The following XKR4 variants were observed in gnomAD, a reference collection of about 807,000 sequenced individuals.
XKR4 encodes the protein XK related 4, also known as XK-related protein 4.
Under a neutral mutation model 53.9 loss-of-function variants are expected in XKR4, and 12 were observed. The ratio of observed to expected loss-of-function variants is 0.22; its 90% confidence interval spans 0.14 to 0.36. The LOEUF is 0.36. Ranked by LOEUF, XKR4 falls within the 10% of genes least tolerant of loss-of-function variation. The pLI is 1.00. For synonymous variants in XKR4, 354 were observed against 362.4 expected (o/e 0.98, Z 0.26); for missense variants, 799 against 859.5 (o/e 0.93, Z 0.88).
At chr8:55,171,064 T>G (rs900569521) in intron 1 of XKR4, among the ~76,000 whole-genome samples, 6 of 152,224 alleles carry the variant, frequency 3.9e-5, no homozygotes, top group Non-Finnish European at 5.9e-5. Context: ...ATATACTTAC[T>G]TCCTAGATTT....
At chr8:55,109,912 T>C (rs1460560769) in intron 1 of XKR4, among the ~76,000 whole-genome samples, 1 of 152,190 alleles carries the variant, frequency 6.6e-6, no homozygotes, top group Non-Finnish European at 1.5e-5. Flanking sequence ...ATATTTTATA[T>C]GTTACAGTTT....
intron 2 of XKR4, among the ~76,000 whole-genome samples, chr8:55,425,875 C>T (rs1029238437): frequency 3.3e-5 from 5 of 152,236 alleles, no homozygotes; most frequent in Admixed American, 3.3e-4. Context: ...AATCAAGCTA[C>T]AAATTAAATG....
intron 1 of XKR4, among the ~76,000 whole-genome samples, chr8:55,227,749 C>T (rs1021671233): frequency 3.9e-5 from 6 of 152,138 alleles, no homozygotes; most frequent in South Asian, 2.1e-4. Context: ...AGCACAGATC[C>T]GCCACAGCCA....
At position 55,410,756 on chromosome 8, in the gene XKR4, C is replaced by T. The variant is rs557722501; in HGVS notation, c.1006+52879C>T. 9.0e-4 allele frequency among the ~76,000 whole-genome samples: 137 copies of T among 152,256 alleles called. 1 individual carries two copies. The highest frequency in any genetic ancestry group is 1.5e-3 in the Non-Finnish European group (104 of 68,032). ...TTTCCTCCCTGTAACACAGGTGTCT[C>T]ATGACACTCTTCTCTAAAATTTAAA... On this transcript the variant is annotated intron_variant, in intron 2 of 2. Transcript: ENST00000327381.
intron 1 of XKR4, among the ~76,000 whole-genome samples, chr8:55,257,559 A>G (rs1818457142): frequency 6.6e-6 from 1 of 152,144 alleles, no homozygotes; most frequent in Admixed American, 6.5e-5. Context: ...GCAATCTGGA[A>G]TGAAAACCCT....
chr8:55,488,346 A>C (rs550654805), intron 2 of XKR4, among the ~76,000 whole-genome samples: 2 of 152,324 alleles, frequency 1.3e-5, no homozygotes, highest in East Asian at 1.9e-4. Context: ...ATATTTACTC[A>C]AGTTAGTTAA....
intron 1 of XKR4, among the ~76,000 whole-genome samples, chr8:55,346,592 T>G (rs1272338302): frequency 6.6e-6 from 1 of 152,094 alleles, no homozygotes; most frequent in Non-Finnish European, 1.5e-5. Flanking sequence ...CAAGGTGGTG[T>G]TGTGAGTGTC....
At chr8:55,403,628 C>T (rs1804641341) in intron 2 of XKR4, among the ~76,000 whole-genome samples, 1 of 152,224 alleles carries the variant, frequency 6.6e-6, no homozygotes, top group Admixed American at 6.5e-5. Context: ...CTGTATTGAG[C>T]ATCCACTGTA....
At chr8:55,510,805 T>A (rs1021948577) in intron 2 of XKR4, among the ~76,000 whole-genome samples, 1 of 152,174 alleles carries the variant, frequency 6.6e-6, no homozygotes, top group Non-Finnish European at 1.5e-5. Context: ...AGAGACAGCA[T>A]GTAAAGGAGC....
At chr8:55,279,807 C>T (rs56007359) in intron 1 of XKR4, among the ~76,000 whole-genome samples, 2,833 of 152,196 alleles carry the variant, frequency 0.019, 80 homozygotes, top group African/African-American at 0.065. Flanking sequence ...CCCAGAAAGA[C>T]ATATCTCTTA....
At chr8:55,477,977 C>T (rs1375652711) in intron 2 of XKR4, among the ~76,000 whole-genome samples, 1 of 152,112 alleles carries the variant, frequency 6.6e-6, no homozygotes. Context: ...TTGGGAAACA[C>T]CATGCAGGAT....
chr8:55,447,387 C>T (rs911640752), intron 2 of XKR4, among the ~76,000 whole-genome samples: 8 of 152,222 alleles, frequency 5.3e-5, no homozygotes, highest in Admixed American at 6.5e-5. Context: ...ATGGACACTA[C>T]GGCTCCCCTG....
intron 2 of XKR4, among the ~76,000 whole-genome samples, chr8:55,373,712 G>A (rs892232184): frequency 1.3e-5 from 2 of 152,054 alleles, no homozygotes; most frequent in Non-Finnish European, 2.9e-5. Flanking sequence ...AAAGACTTTT[G>A]GAATAAATGG....
At chr8:55,415,085 C>T (rs1277383316) in intron 2 of XKR4, among the ~76,000 whole-genome samples, 2 of 152,192 alleles carry the variant, frequency 1.3e-5, no homozygotes, top group Non-Finnish European at 2.9e-5. Flanking sequence ...AGGCAGAGTA[C>T]ATCTTACATC....
chr8:55,333,574 TC>T (rs1803409744), intron 1 of XKR4, among the ~76,000 whole-genome samples: 1 of 152,150 alleles, frequency 6.6e-6, no homozygotes, highest in African/African-American at 2.4e-5. Context: ...TATTTCTCAA[TC>T]AGTAATCTCT....
chr8:55,234,909 C>G, intron 1 of XKR4, among the ~76,000 whole-genome samples: 1 of 152,138 alleles, frequency 6.6e-6, no homozygotes, highest in East Asian at 1.9e-4. Context: ...GCTCCTTGGC[C>G]CTGCCTTTAA....
chr8:55,510,296 G>C (rs1472048942), intron 2 of XKR4, among the ~76,000 whole-genome samples: 2 of 152,188 alleles, frequency 1.3e-5, no homozygotes, highest in Admixed American at 6.5e-5. Flanking sequence ...AGGAGAGAGA[G>C]GAAGGGGGTC....
At chr8:55,123,490 C>A (rs954926227) in intron 1 of XKR4, among the ~76,000 whole-genome samples, 2 of 152,216 alleles carry the variant, frequency 1.3e-5, no homozygotes, top group Non-Finnish European at 2.9e-5. Flanking sequence ...GAGCCCAGAG[C>A]ATAGGCTCAG....
At chr8:55,518,182 C>G (rs914318366) in intron 2 of XKR4, among the ~76,000 whole-genome samples, 2 of 152,172 alleles carry the variant, frequency 1.3e-5, no homozygotes, top group African/African-American at 4.8e-5. Flanking sequence ...TCCACGAATT[C>G]TTGTTTACAC....
Sources: gnomAD v4.1 joint callset for allele counts (sites outside exome capture counted in the v4.1 genomes callset) on GRCh38, gnomAD v4.1.1 for gene constraint, MANE v1.5 for transcripts, NCBI Gene and HGNC (gene_info 2026-07-23, HGNC 2026-07-21) for gene names.